Variants in GGACT observed in about 807,000 individuals in gnomAD.
The protein encoded by GGACT is gamma-glutamylaminecyclotransferase.
For missense variants in GGACT, 241 were observed against 233.2 expected (o/e 1.03, Z -0.22); for synonymous variants, 118 against 115.3 (o/e 1.02, Z -0.15).
chr13:100,533,509 CTATT>C (rs1274912344), intron 2 of GGACT: 12 of 152,346 alleles, frequency 7.9e-5, no homozygotes, highest in African/African-American at 2.6e-4. Context: ...TTGCCAATAA[CTATT>C]AAAGAAAAAT....
chr13:100,543,744 G>A (rs2088576913), intron 2 of GGACT, among the ~76,000 whole-genome samples: 1 of 152,218 alleles, frequency 6.6e-6, no homozygotes, highest in Non-Finnish European at 1.5e-5. Context: ...ATGAAGCTCA[G>A]GCCCCTGCCA....
chr13:100,539,631 C>A (rs141375281), intron 2 of GGACT: 304 of 475,686 alleles, frequency 6.4e-4, no homozygotes, highest in African/African-American at 5.4e-3. Context: ...ATTTTGGCAT[C>A]GATCTTCATC....
At chr13:100,569,732 C>T (rs9513764) in intron 2 of GGACT, among the ~76,000 whole-genome samples, 65,474 of 152,082 alleles carry the variant, frequency 0.43, 14,689 homozygotes, top group Non-Finnish European at 0.47. Flanking sequence ...TTTTCTATCA[C>T]ATTGTCAGGC....
chr13:100,573,940 A>G (rs1220428142), intron 2 of GGACT, among the ~76,000 whole-genome samples: 18 of 152,020 alleles, frequency 1.2e-4, no homozygotes, highest in Admixed American at 1.2e-3. Context: ...ATGATTATAC[A>G]CTGTGGAAAT....
chr13:100,563,179 C>T (rs577500853), intron 2 of GGACT, among the ~76,000 whole-genome samples: 4 of 152,242 alleles, frequency 2.6e-5, no homozygotes, highest in South Asian at 2.1e-4. Flanking sequence ...TGCTGCCCCA[C>T]GATCAATCTG....
intron 2 of GGACT, among the ~76,000 whole-genome samples, chr13:100,581,099 G>C (rs1377186571): frequency 6.6e-6 from 1 of 152,168 alleles, no homozygotes; most frequent in Non-Finnish European, 1.5e-5. Context: ...GAAACAAATG[G>C]TTCCATACAG....
At chr13:100,556,437 G>T (rs1260972086) in intron 2 of GGACT, among the ~76,000 whole-genome samples, 1 of 152,064 alleles carries the variant, frequency 6.6e-6, no homozygotes, top group African/African-American at 2.4e-5. Context: ...TGCAAGACCT[G>T]TGCACTGAAA....
chr13:100,581,424 A>G (rs528895426), intron 2 of GGACT, among the ~76,000 whole-genome samples: 1 of 152,368 alleles, frequency 6.6e-6, no homozygotes, highest in African/African-American at 2.4e-5. Context: ...CACAAGAGAC[A>G]ATGGAACAGG....
intron 2 of GGACT, among the ~76,000 whole-genome samples, chr13:100,550,798 G>A (rs890089917): frequency 6.6e-6 from 1 of 152,150 alleles, no homozygotes; most frequent in African/African-American, 2.4e-5. Flanking sequence ...CAGAACAGCC[G>A]CTTTGTTTTT....
At chr13:100,544,102 A>G (rs1298895401) in intron 2 of GGACT, among the ~76,000 whole-genome samples, 1 of 152,206 alleles carries the variant, frequency 6.6e-6, no homozygotes, top group Non-Finnish European at 1.5e-5. Context: ...CGTTTCCCCT[A>G]GAGAGGGTTT....
At chr13:100,542,581 AT>A (rs969096025) in intron 2 of GGACT, among the ~76,000 whole-genome samples, 6 of 152,128 alleles carry the variant, frequency 3.9e-5, no homozygotes, top group African/African-American at 1.4e-4. Context: ...ATCTCTGCAG[AT>A]GTCGTTCCCT....
chr13:100,531,358 C>T lies in GGACT; in HGVS notation c.*772G>A, dbSNP rs2088373649. 1 of 152,232 alleles carries T rather than the reference C, an allele frequency of 6.6e-6. No individual in the cohort carries two copies. The highest frequency in any genetic ancestry group is 2.1e-4 in the South Asian group (1 of 4,830). 9.4% of individuals were successfully genotyped at this position (152,232 alleles called of 1,614,324 possible). On this transcript the variant is annotated 3_prime_UTR_variant, in exon 3 of 3. Coordinates refer to ENST00000683975, the MANE Select transcript of GGACT (RefSeq NM_001195087.2). ...GAAAGGACTCACCCCCAAATGCTCTCCCTTCAGGGGGCAGGGACGGGGTCT... is the reference window on the plus strand; with the variant it reads ...GAAAGGACTCACCCCCAAATGCTCTTCCTTCAGGGGGCAGGGACGGGGTCT...
At chr13:100,544,435 C>T (rs1014787737) in intron 2 of GGACT, among the ~76,000 whole-genome samples, 3 of 152,228 alleles carry the variant, frequency 2.0e-5, no homozygotes, top group African/African-American at 7.2e-5. Context: ...AGTTTCTTTA[C>T]AGCAAAGGCA....
Position 100,531,905 on chromosome 13 carries a change from G to C in GGACT, c.*225C>G. On this transcript the variant is annotated 3_prime_UTR_variant, in exon 3 of 3. Coordinates refer to ENST00000683975, the MANE Select transcript of GGACT (RefSeq NM_001195087.2). ...AGTTCTCTAAATGTCATTTAGGGGA[G>C]TTAAAATCCTAAATTTTTCTTACCA... 1 of 422,048 alleles carries C rather than the reference G, an allele frequency of 2.4e-6. No homozygotes were observed. The highest frequency in any genetic ancestry group is 4.2e-6 in the Non-Finnish European group (1 of 240,142). 26.1% of individuals were successfully genotyped at this position (422,048 alleles called of 1,614,324 possible). A position where few individuals can be genotyped will look rare whatever the true frequency, so the allele number is the denominator to read the frequency against.
At chr13:100,586,390 C>T (rs1875575026) in intron 1 of GGACT, among the ~76,000 whole-genome samples, 1 of 152,018 alleles carries the variant, frequency 6.6e-6, no homozygotes, top group African/African-American at 2.4e-5. Context: ...TAAAATTTTC[C>T]CAATAAGCAA....
At chr13:100,570,541 T>C (rs781126025) in intron 2 of GGACT, among the ~76,000 whole-genome samples, 3 of 152,170 alleles carry the variant, frequency 2.0e-5, no homozygotes, top group Non-Finnish European at 4.4e-5. Context: ...GTGGGGATTA[T>C]GGGAACTACA....
chr13:100,550,298 CTACACACACA>C (rs1162199774), intron 2 of GGACT, among the ~76,000 whole-genome samples: 2 of 126,038 alleles, frequency 1.6e-5, no homozygotes, highest in African/African-American at 6.3e-5. Context: ...CGATTATACT[CTACACACACA>C]CACACACACA....
chr13:100,547,092 T>G (rs2088613445), intron 2 of GGACT, among the ~76,000 whole-genome samples: 1 of 152,186 alleles, frequency 6.6e-6, no homozygotes, highest in Non-Finnish European at 1.5e-5. Context: ...AACATAGCCC[T>G]GGGGGCACAT....
chr13:100,586,050 A>G (rs538970554), intron 1 of GGACT, among the ~76,000 whole-genome samples: 7 of 152,174 alleles, frequency 4.6e-5, no homozygotes, highest in African/African-American at 7.2e-5. Flanking sequence ...CAAACAAACC[A>G]ACAGTAAAAA....
Sources: allele counts gnomAD v4.1 joint callset (sites outside exome capture counted in the v4.1 genomes callset), GRCh38; gene constraint gnomAD v4.1.1; transcripts MANE v1.5; gene names NCBI Gene and HGNC (gene_info 2026-07-23, HGNC 2026-07-21).